Variants in RPS6KC1 observed in about 807,000 individuals in gnomAD.
RPS6KC1 encodes inactive ribosomal protein S6 kinase delta-1.
Under a neutral mutation model 103.8 loss-of-function variants are expected in RPS6KC1, and 54 were observed. That is an observed-to-expected ratio of 0.52 (90% CI 0.42 to 0.65). RPS6KC1 has a LOEUF of 0.65. Ranked by LOEUF, RPS6KC1 falls within the 30% of genes least tolerant of loss-of-function variation. RPS6KC1 has a pLI of 0.00. For synonymous variants in RPS6KC1, 439 were observed against 438.7 expected (o/e 1.00, Z -0.01); for missense variants, 1,151 against 1,253.8 (o/e 0.92, Z 1.24).
chr1:213,695,662 A>G, the RPS6KC1 span, among the ~76,000 whole-genome samples: 2 of 152,252 alleles, frequency 1.3e-5, no homozygotes, highest in Non-Finnish European at 2.9e-5. Context: ...TCACAGGTCC[A>G]GCTTTCAATA....
the RPS6KC1 span, among the ~76,000 whole-genome samples, chr1:213,525,829 T>TGAAAGGGTTTTCTTC: frequency 6.6e-6 from 1 of 152,194 alleles, no homozygotes; most frequent in Non-Finnish European, 1.5e-5. Flanking sequence ...TTGGTTTCTT[T>TGAAAGGGTTTTCTTC]GAAAGGGTTT....
At chr1:213,106,432 A>C (rs1426876051) in intron 4 of RPS6KC1, among the ~76,000 whole-genome samples, 1 of 152,144 alleles carries the variant, frequency 6.6e-6, no homozygotes, top group Non-Finnish European at 1.5e-5. Context: ...CAGTTTTTAA[A>C]AGCTTTCCCA....
the RPS6KC1 span, among the ~76,000 whole-genome samples, chr1:213,520,480 G>C: frequency 6.6e-6 from 1 of 152,136 alleles, no homozygotes; most frequent in Admixed American, 6.5e-5. Context: ...ATGAGATTTG[G>C]GCGGGGACAC....
chr1:213,398,186 C>G, the RPS6KC1 span, among the ~76,000 whole-genome samples: 1 of 149,968 alleles, frequency 6.7e-6, no homozygotes, highest in African/African-American at 2.5e-5. Context: ...CACTCACCAC[C>G]ACACCTGGCC....
the RPS6KC1 span, among the ~76,000 whole-genome samples, chr1:213,641,695 C>T: frequency 6.6e-6 from 1 of 151,434 alleles, no homozygotes; most frequent in Non-Finnish European, 1.5e-5. Flanking sequence ...GTGATCTACT[C>T]AGTACAACCC....
At chr1:213,393,852 C>T in the RPS6KC1 span, among the ~76,000 whole-genome samples, 504 of 152,192 alleles carry the variant, frequency 3.3e-3, 3 homozygotes, top group African/African-American at 0.011. Context: ...TCAAGAGAAG[C>T]TTGCTTAATA....
chr1:213,374,468 T>A, the RPS6KC1 span, among the ~76,000 whole-genome samples: 1 of 152,008 alleles, frequency 6.6e-6, no homozygotes, highest in African/African-American at 2.4e-5. Context: ...TTGAGGGGGA[T>A]TCATTAGGCC....
the RPS6KC1 span, among the ~76,000 whole-genome samples, chr1:213,661,138 C>A: frequency 1.3e-5 from 2 of 151,788 alleles, no homozygotes; most frequent in African/African-American, 4.9e-5. Context: ...TAAGCTGCCC[C>A]CTTTTTTTCT....
At chr1:213,184,766 A>G (rs2092447576) in intron 8 of RPS6KC1, among the ~76,000 whole-genome samples, 1 of 152,094 alleles carries the variant, frequency 6.6e-6, no homozygotes, top group Non-Finnish European at 1.5e-5. Flanking sequence ...AGTCAGGAGC[A>G]TATTGTTTAA....
At chr1:213,438,768 C>T in the RPS6KC1 span, among the ~76,000 whole-genome samples, 1 of 146,436 alleles carries the variant, frequency 6.8e-6, no homozygotes, top group Non-Finnish European at 1.5e-5. Context: ...CTTTGAGGCT[C>T]TTGTTTCTCT....
At chr1:213,408,810 A>T in the RPS6KC1 span, among the ~76,000 whole-genome samples, 1 of 152,230 alleles carries the variant, frequency 6.6e-6, no homozygotes, top group Non-Finnish European at 1.5e-5. Flanking sequence ...TTTATGGAGC[A>T]CACAGTGTGA....
At chr1:213,565,014 A>G in the RPS6KC1 span, among the ~76,000 whole-genome samples, 1 of 152,242 alleles carries the variant, frequency 6.6e-6, no homozygotes, top group African/African-American at 2.4e-5. Flanking sequence ...ACTGGCCAAT[A>G]AGTCCATTAA....
intron 10 of RPS6KC1, among the ~76,000 whole-genome samples, chr1:213,239,086 A>G (rs1381004462): frequency 6.6e-6 from 1 of 152,222 alleles, no homozygotes; most frequent in Non-Finnish European, 1.5e-5. Flanking sequence ...GAGTATAAAG[A>G]GGACAGAAAG....
chr1:213,298,701 T>A, the RPS6KC1 span, among the ~76,000 whole-genome samples: 2 of 152,320 alleles, frequency 1.3e-5, no homozygotes, highest in East Asian at 3.9e-4. Context: ...CTTTTTAATT[T>A]CAATAATTCT....
At chr1:213,736,545 G>A in the RPS6KC1 span, among the ~76,000 whole-genome samples, 1 of 152,138 alleles carries the variant, frequency 6.6e-6, no homozygotes, top group Non-Finnish European at 1.5e-5. Context: ...TCACAGGAGT[G>A]CTAGCCATCA....
At chr1:213,523,065 C>A in the RPS6KC1 span, among the ~76,000 whole-genome samples, 1 of 152,160 alleles carries the variant, frequency 6.6e-6, no homozygotes, top group Non-Finnish European at 1.5e-5. Context: ...GAGAGATACA[C>A]AATTTTTCCT....
At chr1:213,121,037 C>G (rs1287868843) in intron 5 of RPS6KC1, among the ~76,000 whole-genome samples, 4 of 152,168 alleles carry the variant, frequency 2.6e-5, no homozygotes, top group African/African-American at 9.7e-5. Context: ...AAGTGATTCT[C>G]CTTCCTCAGC....
chr1:213,803,630 G>A, the RPS6KC1 span, among the ~76,000 whole-genome samples: 10 of 152,160 alleles, frequency 6.6e-5, no homozygotes, highest in Non-Finnish European at 1.0e-4. Flanking sequence ...AGAGATGGCA[G>A]GGTCAGGGGT....
intron 8 of RPS6KC1, among the ~76,000 whole-genome samples, chr1:213,203,737 AT>A (rs2093249587): frequency 2.0e-5 from 3 of 152,176 alleles, no homozygotes; most frequent in Admixed American, 2.0e-4. Flanking sequence ...ACTGAGAATT[AT>A]TTTTACATTT....
Sources: gnomAD v4.1 joint callset for allele counts (sites outside exome capture counted in the v4.1 genomes callset) on GRCh38, gnomAD v4.1.1 for gene constraint, MANE v1.5 for transcripts, NCBI Gene and HGNC (gene_info 2026-07-23, HGNC 2026-07-21) for gene names.